PACSIN2: variants seen among roughly 807,000 people sequenced by gnomAD.
The protein encoded by PACSIN2 is protein kinase C and casein kinase substrate in neurons protein 2.
Under a neutral mutation model 63.8 loss-of-function variants are expected in PACSIN2, and 25 were observed. The observed-to-expected ratio is 0.39, with a 90% CI of 0.29 to 0.55. The LOEUF (loss-of-function observed/expected upper bound fraction) is 0.55, where lower values mean the gene tolerates loss of function less well. Ranked by LOEUF, PACSIN2 falls within the 20% of genes least tolerant of loss-of-function variation. The pLI is 0.62. For synonymous variants in PACSIN2, 255 were observed against 256.2 expected, an observed-to-expected ratio of 1.00 and a Z score of 0.05; for missense variants, 518 against 646.9, an observed-to-expected ratio of 0.80 and a Z score of 2.16.
rs111701176 is a variant in PACSIN2, at chr22:42,926,844, T to TA, written c.-77-14688dup. Among the ~76,000 whole-genome samples the TA allele has an allele frequency of 6.1e-3, 877 of 143,510 alleles. 6 individuals are homozygous for TA. Among genetic ancestry groups the TA allele is most frequent in the Middle Eastern group, 0.014 (4 of 278 alleles). 94.1% of individuals were successfully genotyped at this position (143,510 alleles called of 152,430 possible). A position where few individuals can be genotyped will look rare whatever the true frequency, so the allele number is the denominator to read the frequency against. On this transcript the variant is annotated intron_variant, in intron 1 of 10. Transcript: ENST00000263246. ...GGCAACATAGAGAGACCCTATCTCT[T>TA]AAAAAAAAAAAAATGCTTGGAGGAG... is the stretch of plus-strand genomic sequence containing the variant.
intron 1 of PACSIN2, among the ~76,000 whole-genome samples, chr22:42,964,644 A>C (rs537149725): frequency 5.9e-5 from 9 of 152,120 alleles, no homozygotes; most frequent in Admixed American, 2.6e-4. Flanking sequence ...GGCAGGCTCT[A>C]CAGTTCCTAT....
intron 8 of PACSIN2, among the ~76,000 whole-genome samples, chr22:42,877,437 G>A (rs2146634318): frequency 6.6e-6 from 1 of 152,250 alleles, no homozygotes; most frequent in East Asian, 1.9e-4. Context: ...GGCTCCCATG[G>A]ATGAGTGGGA....
intron 1 of PACSIN2, among the ~76,000 whole-genome samples, chr22:42,961,066 G>A (rs2179260): frequency 0.32 from 48,609 of 152,100 alleles, 9,224 homozygotes; most frequent in Non-Finnish European, 0.43. Context: ...GGCCAGTTCA[G>A]GGCGGTTCCT....
chr22:42,925,529 C>T (rs1232683557), intron 1 of PACSIN2, among the ~76,000 whole-genome samples: 1 of 151,630 alleles, frequency 6.6e-6, no homozygotes, highest in African/African-American at 2.4e-5. Flanking sequence ...GGACAAATGT[C>T]AGCTGTGATC....
intron 1 of PACSIN2, among the ~76,000 whole-genome samples, chr22:43,012,392 T>C (rs564649225): frequency 2.0e-5 from 3 of 151,076 alleles, no homozygotes; most frequent in African/African-American, 7.3e-5. Flanking sequence ...TGTGGATGGG[T>C]ATCCAGGATT....
At chr22:42,872,961 T>C (rs772772506) in intron 10 of PACSIN2, among the ~76,000 whole-genome samples, 3 of 152,200 alleles carry the variant, frequency 2.0e-5, no homozygotes, top group Non-Finnish European at 4.4e-5. Context: ...GTTGCTGTGC[T>C]CTCACAGGCC....
chr22:42,886,705 T>A (rs1221874024), intron 5 of PACSIN2, among the ~76,000 whole-genome samples: 1 of 152,098 alleles, frequency 6.6e-6, no homozygotes, highest in Admixed American at 6.6e-5. Flanking sequence ...GGAAACTGCG[T>A]CAAGAAGGGT....
chr22:42,965,171 AG>A (rs1309308457), intron 1 of PACSIN2, among the ~76,000 whole-genome samples: 23 of 152,238 alleles, frequency 1.5e-4, no homozygotes, highest in African/African-American at 5.3e-4. Flanking sequence ...CAAAGCAGCC[AG>A]ATGCAAAATA....
chr22:42,943,246 A>G (rs909720243), intron 1 of PACSIN2, among the ~76,000 whole-genome samples: 4 of 152,322 alleles, frequency 2.6e-5, no homozygotes, highest in Middle Eastern at 3.4e-3. Flanking sequence ...CTTATATCCT[A>G]CAACCTTGCT....
chr22:42,882,356 T>C, intron 6 of PACSIN2, 52 bp from the exon 7 acceptor site: 1 of 1,567,640 alleles, frequency 6.4e-7, no homozygotes, highest in South Asian at 1.2e-5. Flanking sequence ...CAGCTACCCT[T>C]TGTCCCAGCC....
chr22:42,890,911 C>T, intron 4 of PACSIN2, 36 bp downstream of exon 4: 1 of 1,575,214 alleles, frequency 6.3e-7, no homozygotes, highest in Non-Finnish European at 8.7e-7. Context: ...CCAGGCAGAG[C>T]AAGGCCGGGC....
rs751774240 is a variant in PACSIN2, at chr22:42,888,735, C to G, written c.517G>C (p.Glu173Gln). ...CKEEKLAISREANSKADPSLN... is the reference protein window; with the variant it reads ...CKEEKLAISRQANSKADPSLN... ...GATGGGTCTGCCTTGCTGTTGGCTTCTCGTGAGATAGCCAGCTTCTCCTCT... is the reference window on the plus strand; with the variant it reads ...GATGGGTCTGCCTTGCTGTTGGCTTGTCGTGAGATAGCCAGCTTCTCCTCT... Residue 173 changes from glutamate (E) to glutamine (Q), a missense_variant, in exon 5 of 11, where the codon GAA becomes CAA. Around this residue, in one of 2 missense-constraint regions of PACSIN2, gnomAD observed 507 missense variants for 612.3 expected, o/e 0.83. Transcript: ENST00000263246. The G allele has an allele frequency of 1.2e-6, 2 of 1,613,962 alleles. No homozygotes were observed. Among genetic ancestry groups the G allele is most frequent in the South Asian group, 2.2e-5 (2 of 91,084 alleles).
At chr22:42,878,252 C>T (rs926701157) in intron 8 of PACSIN2, among the ~76,000 whole-genome samples, 1 of 152,250 alleles carries the variant, frequency 6.6e-6, no homozygotes, top group Non-Finnish European at 1.5e-5. Context: ...CAGGCACTTA[C>T]TGCCGAGCCC....
chr22:42,936,534 G>T (rs1388957188), intron 1 of PACSIN2, among the ~76,000 whole-genome samples: 2 of 152,194 alleles, frequency 1.3e-5, no homozygotes, highest in East Asian at 1.9e-4. Context: ...GGATGGACTG[G>T]TTTAAGTGAA....
In PACSIN2 at chr22:42,906,245, G is replaced by C. The variant is rs74960713; in HGVS notation, c.60+5776C>G. Among the ~76,000 whole-genome samples, 740 of 152,366 alleles carry C rather than the reference G, an allele frequency of 4.9e-3. 1 individual carries two copies. The highest frequency in any genetic ancestry group is 0.016 in the African/African-American group (647 of 41,594). On this transcript the variant is annotated intron_variant, in intron 2 of 10. Transcript: ENST00000263246. ...GACTGACTGACCAAGGGGGACAAAG[G>C]ACAGCTTGGTTAAAACCCATCACAT...
In PACSIN2 at chr22:43,009,863, CTATTTTT is replaced by C. The variant is rs1360464015; in HGVS notation, c.-78+5151_-78+5157del. ...TAGTTGAGACATCATTTTATTTTTT[CTATTTTT>C]TTTTTTTTTTTTTTTTGAGACAGAG... On this transcript the variant is annotated intron_variant, in intron 1 of 10. Coordinates refer to ENST00000263246, the MANE Select transcript of PACSIN2 (RefSeq NM_001184970.3). 3.7e-3 allele frequency among the ~76,000 whole-genome samples: 489 copies of C among 131,796 alleles called. 8 individuals carry two copies. Among genetic ancestry groups the C allele is most frequent in the African/African-American group, 9.9e-3 (337 of 34,102 alleles). 86.5% of individuals were successfully genotyped at this position (131,796 alleles called of 152,430 possible).
At chr22:43,000,139 C>T (rs989704799) in intron 1 of PACSIN2, among the ~76,000 whole-genome samples, 3 of 152,216 alleles carry the variant, frequency 2.0e-5, no homozygotes, top group African/African-American at 4.8e-5. Flanking sequence ...CCCCAATGGA[C>T]GGGGCCGGCC....
intron 2 of PACSIN2, among the ~76,000 whole-genome samples, chr22:42,907,931 T>C (rs374852510): frequency 1.3e-5 from 2 of 152,226 alleles, no homozygotes; most frequent in East Asian, 3.8e-4. Context: ...TGCTAGAGTC[T>C]GAGAGAAACC....
intron 1 of PACSIN2, among the ~76,000 whole-genome samples, chr22:42,918,744 A>G (rs1931969478): frequency 6.6e-6 from 1 of 152,228 alleles, no homozygotes. Context: ...ACCACCTGCC[A>G]GGGAGGCTGG....
Sources: gnomAD v4.1 joint callset for allele counts (sites outside exome capture counted in the v4.1 genomes callset) on GRCh38, gnomAD v4.1.1 for gene constraint, gnomAD v4.1.1 regional missense constraint, MANE v1.5 for transcripts, NCBI Gene and HGNC (gene_info 2026-07-23, HGNC 2026-07-21) for gene names.